The following ANKS1B variants were observed in gnomAD, a reference collection of about 807,000 sequenced individuals.
ANKS1B encodes ankyrin repeat and sterile alpha motif domain containing 1B, also known as ankyrin repeat and sterile alpha motif domain-containing protein 1B.
Under a neutral mutation model 148.3 loss-of-function variants are expected in ANKS1B, and 36 were observed. The observed-to-expected ratio is 0.24, with a 90% CI of 0.19 to 0.32. The LOEUF (loss-of-function observed/expected upper bound fraction) is 0.32, where lower values mean the gene tolerates loss of function less well. ANKS1B is among the 10% of genes least tolerant of loss of function. The probability of loss-of-function intolerance (pLI) is 1.00; values close to 1 mark genes in which losing one functional copy is unlikely to be tolerated. For missense variants in ANKS1B, 1,157 were observed against 1,542.6 expected, an observed-to-expected ratio of 0.75 and a Z score of 4.19; for synonymous variants, 542 against 560.8, an observed-to-expected ratio of 0.97 and a Z score of 0.47.
intron 1 of ANKS1B, among the ~76,000 whole-genome samples, chr12:99,889,286 G>GTA (rs1320725764): frequency 6.6e-6 from 1 of 152,110 alleles, no homozygotes; most frequent in African/African-American, 2.4e-5. Flanking sequence ...TGCTGGAAAG[G>GTA]TAAGTAACAT....
intron 14 of ANKS1B, among the ~76,000 whole-genome samples, chr12:99,217,292 G>C (rs1442846360): frequency 6.6e-6 from 1 of 151,520 alleles, no homozygotes; most frequent in Middle Eastern, 3.2e-3. Flanking sequence ...TCATAAAAAG[G>C]CTTCTTCTGA....
At chr12:99,385,196 T>C (rs1029775997) in intron 12 of ANKS1B, among the ~76,000 whole-genome samples, 2 of 150,738 alleles carry the variant, frequency 1.3e-5, no homozygotes, top group African/African-American at 4.9e-5. Context: ...AGGCTGAGTG[T>C]AGTGGCTCAC....
intron 1 of ANKS1B, among the ~76,000 whole-genome samples, chr12:99,981,126 G>A (rs1298836435): frequency 6.6e-6 from 1 of 152,000 alleles, no homozygotes; most frequent in Admixed American, 6.6e-5. Flanking sequence ...CTTTAGAGGT[G>A]CATGAAAAAT....
intron 4 of ANKS1B, among the ~76,000 whole-genome samples, chr12:99,800,198 G>A (rs556702588): frequency 1.3e-5 from 2 of 152,086 alleles, no homozygotes; most frequent in Middle Eastern, 3.4e-3. Context: ...CCTTATAAGG[G>A]AAAGAGGAAA....
intron 10 of ANKS1B, among the ~76,000 whole-genome samples, chr12:99,464,381 G>A (rs1213634093): frequency 6.6e-6 from 1 of 152,186 alleles, no homozygotes; most frequent in Non-Finnish European, 1.5e-5. Context: ...AAAAAGCAGA[G>A]CACCTCTCCT....
intron 12 of ANKS1B, among the ~76,000 whole-genome samples, chr12:99,390,095 G>C (rs2094006501): frequency 6.6e-6 from 1 of 152,164 alleles, no homozygotes; most frequent in East Asian, 1.9e-4. Flanking sequence ...GGCTCTGCTT[G>C]TTGCCTAGAT....
At chr12:99,048,085 G>T (rs1411135434) in intron 17 of ANKS1B, among the ~76,000 whole-genome samples, 1 of 152,214 alleles carries the variant, frequency 6.6e-6, no homozygotes, top group Non-Finnish European at 1.5e-5. Context: ...TAGAGGTGGA[G>T]GCAGAGGCTG....
At chr12:99,153,120 T>G (rs1352840668) in intron 15 of ANKS1B, among the ~76,000 whole-genome samples, 1 of 152,192 alleles carries the variant, frequency 6.6e-6, no homozygotes, top group African/African-American at 2.4e-5. Context: ...GTCTTTTTTA[T>G]TTTTAAAAAC....
At chr12:99,800,441 CAAAAAAAAAAA>C (rs138056927) in intron 4 of ANKS1B, among the ~76,000 whole-genome samples, 5 of 86,750 alleles carry the variant, frequency 5.8e-5, no homozygotes, top group Non-Finnish European at 1.1e-4. Context: ...ATACAGAAGC[CAAAAAAAAAAA>C]AAAAAAAAAC....
intron 1 of ANKS1B, among the ~76,000 whole-genome samples, chr12:99,949,118 T>C (rs1489996826): frequency 3.9e-5 from 6 of 152,172 alleles, no homozygotes; most frequent in African/African-American, 1.4e-4. Context: ...TCAAAAATAT[T>C]TTTCAAGATC....
At chr12:99,979,740 T>C (rs761647130) in intron 1 of ANKS1B, among the ~76,000 whole-genome samples, 5 of 152,072 alleles carry the variant, frequency 3.3e-5, no homozygotes, top group Admixed American at 6.6e-5. Context: ...TTAAATACAG[T>C]GTGAATTTAG....
chr12:99,983,993 A>T lies in ANKS1B; in HGVS notation c.134+111T>A. 3 of 954,370 alleles carry T rather than the reference A, an allele frequency of 3.1e-6. No individual in the cohort carries two copies. In the South Asian group the frequency reaches 5.8e-5, roughly 18 times the overall value. 59.1% of individuals were successfully genotyped at this position (954,370 alleles called of 1,614,324 possible). Reference sequence around the variant, plus strand: ...CGCAGTCTGTTTTCCTACCTAATTTAAGAATGAATCGCTGGCAGCCACCAG... The same window carrying T: ...CGCAGTCTGTTTTCCTACCTAATTTTAGAATGAATCGCTGGCAGCCACCAG... On this transcript the variant is annotated intron_variant, in intron 1 of 26. Transcript: ENST00000683438.
chr12:99,455,955 G>T (rs956737537), intron 10 of ANKS1B, among the ~76,000 whole-genome samples: 2 of 152,084 alleles, frequency 1.3e-5, no homozygotes, highest in African/African-American at 4.8e-5. Flanking sequence ...CTGGCTTGAG[G>T]ACAACCAAAA....
intron 11 of ANKS1B, among the ~76,000 whole-genome samples, chr12:99,433,657 C>T (rs890610691): frequency 1.3e-5 from 2 of 152,034 alleles, no homozygotes; most frequent in Non-Finnish European, 2.9e-5. Context: ...TTAAGACATC[C>T]CATTGAGATT....
chr12:99,322,974 C>T (rs2085591288), intron 12 of ANKS1B, among the ~76,000 whole-genome samples: 1 of 152,152 alleles, frequency 6.6e-6, no homozygotes, highest in Non-Finnish European at 1.5e-5. Flanking sequence ...GATTGTGAGG[C>T]CCCCTGGTCA....
At chr12:99,522,982 A>G (rs745400649) in intron 9 of ANKS1B, among the ~76,000 whole-genome samples, 4 of 152,218 alleles carry the variant, frequency 2.6e-5, no homozygotes, top group Non-Finnish European at 5.9e-5. Context: ...AACAATCAGG[A>G]ACCCAGAGGT....
intron 8 of ANKS1B, among the ~76,000 whole-genome samples, chr12:99,717,731 A>G (rs573206889): frequency 1.6e-4 from 25 of 152,128 alleles, no homozygotes; most frequent in African/African-American, 6.0e-4. Flanking sequence ...TAACTCTCAC[A>G]GTGGAAGGTA....
chr12:99,314,971 G>A (rs1290430781), intron 12 of ANKS1B, among the ~76,000 whole-genome samples: 3 of 151,488 alleles, frequency 2.0e-5, no homozygotes, highest in South Asian at 2.1e-4. Context: ...TTGGCTGGGC[G>A]TGGTGGCTCA....
intron 12 of ANKS1B, among the ~76,000 whole-genome samples, chr12:99,280,739 C>T (rs889893411): frequency 9.9e-5 from 15 of 152,248 alleles, no homozygotes; most frequent in Middle Eastern, 3.4e-3. Context: ...TGCTTTCAGA[C>T]TTGGATGGCA....
Sources: allele counts gnomAD v4.1 joint callset (sites outside exome capture counted in the v4.1 genomes callset), GRCh38; gene constraint gnomAD v4.1.1; transcripts MANE v1.5; gene names NCBI Gene and HGNC (gene_info 2026-07-23, HGNC 2026-07-21).